TRDN: variants seen among roughly 807,000 people sequenced by gnomAD.
TRDN encodes the protein triadin.
In TRDN, 161 loss-of-function variants were observed where a neutral mutation model predicts 149.7. The observed-to-expected ratio is 1.08, with a 90% CI of 0.95 to 1.23. The LOEUF is 1.23. Among genes scored for constraint, TRDN ranks in the 50% most tolerant of loss-of-function variants. The probability of loss-of-function intolerance (pLI) is 0.00; values close to 1 mark genes in which losing one functional copy is unlikely to be tolerated. For synonymous variants in TRDN, 294 were observed against 250.5 expected, an observed-to-expected ratio of 1.17 and a Z score of -1.64; for missense variants, 896 against 823.5, an observed-to-expected ratio of 1.09 and a Z score of -1.08.
At chr6:123,275,586 C>A (rs750392616) in intron 26 of TRDN, among the ~76,000 whole-genome samples, 5 of 152,118 alleles carry the variant, frequency 3.3e-5, no homozygotes, top group African/African-American at 4.8e-5. Flanking sequence ...TCCAAGGAAA[C>A]TAATCAATTT....
intron 33 of TRDN, among the ~76,000 whole-genome samples, chr6:123,263,349 T>C (rs1776836422): frequency 6.6e-6 from 1 of 152,024 alleles, no homozygotes; most frequent in African/African-American, 2.4e-5. Flanking sequence ...GAAGAAAAGT[T>C]GGAAGCTACC....
At chr6:123,537,688 A>G (rs1451663097) in intron 4 of TRDN, among the ~76,000 whole-genome samples, 1 of 152,190 alleles carries the variant, frequency 6.6e-6, no homozygotes, top group Non-Finnish European at 1.5e-5. Flanking sequence ...CTCAACTTCC[A>G]TATGTAACTG....
intron 23 of TRDN, among the ~76,000 whole-genome samples, chr6:123,329,656 C>G (rs1277236285): frequency 6.7e-6 from 1 of 150,180 alleles, no homozygotes; most frequent in Non-Finnish European, 1.5e-5. Flanking sequence ...TTGTTTGGAA[C>G]AAAAAAGAAG....
At chr6:123,606,655 T>G (rs999909995) in intron 1 of TRDN, among the ~76,000 whole-genome samples, 24 of 152,126 alleles carry the variant, frequency 1.6e-4, no homozygotes, top group Non-Finnish European at 1.5e-5. Context: ...AATGTGTCCA[T>G]GCAGTATTTA....
chr6:123,587,194 C>T (rs1465536294), intron 1 of TRDN, among the ~76,000 whole-genome samples: 2 of 152,120 alleles, frequency 1.3e-5, no homozygotes, highest in African/African-American at 4.8e-5. Flanking sequence ...GCAGGCGTCC[C>T]TGCGTGGTCT....
intron 31 of TRDN, among the ~76,000 whole-genome samples, chr6:123,268,033 G>A (rs1461481366): frequency 1.3e-5 from 2 of 151,882 alleles, no homozygotes; most frequent in Non-Finnish European, 2.9e-5. Context: ...GATAGAATAT[G>A]GCAAAAAGGA....
intron 7 of TRDN, among the ~76,000 whole-genome samples, chr6:123,511,283 A>G (rs2114855640): frequency 6.6e-6 from 1 of 152,232 alleles, no homozygotes; most frequent in African/African-American, 2.4e-5. Flanking sequence ...TAGAATGACT[A>G]TAGTTAACAA....
At chr6:123,274,816 T>C in intron 26 of TRDN, 146 bp from the exon 27 acceptor site, 4 of 720,248 alleles carry the variant, frequency 5.6e-6, no homozygotes, top group Non-Finnish European at 9.2e-6. Context: ...GAGGTTTCAG[T>C]GAGCTGAGAT....
At chr6:123,373,007 C>G (rs991096934) in intron 19 of TRDN, among the ~76,000 whole-genome samples, 2 of 133,458 alleles carry the variant, frequency 1.5e-5, no homozygotes, top group Admixed American at 1.5e-4. Flanking sequence ...TTCATCCACA[C>G]CACACCCTGA....
chr6:123,354,758 A>G (rs887165745), intron 20 of TRDN, among the ~76,000 whole-genome samples: 5 of 151,924 alleles, frequency 3.3e-5, no homozygotes, highest in African/African-American at 1.2e-4. Context: ...AGTGTGAGGA[A>G]GAAGTGATAT....
intron 24 of TRDN, among the ~76,000 whole-genome samples, chr6:123,309,082 T>G (rs537650888): frequency 5.3e-5 from 8 of 152,148 alleles, no homozygotes; most frequent in African/African-American, 1.9e-4. Flanking sequence ...TAAAAGATTT[T>G]GGTTCAAACT....
chr6:123,244,127 G>A (rs901982220), intron 38 of TRDN, among the ~76,000 whole-genome samples: 7 of 152,108 alleles, frequency 4.6e-5, no homozygotes, highest in African/African-American at 7.2e-5. Flanking sequence ...ATAAATCCAC[G>A]AAGATGAGAA....
intron 9 of TRDN, among the ~76,000 whole-genome samples, chr6:123,467,055 A>G (rs1299490005): frequency 1.3e-5 from 2 of 152,066 alleles, no homozygotes; most frequent in Admixed American, 6.6e-5. Context: ...ATTTAAAACA[A>G]CTTTATTGCA....
At chr6:123,352,627 GA>G in intron 20 of TRDN, 41 bp from the exon 21 acceptor site, 1 of 1,578,850 alleles carries the variant, frequency 6.3e-7, no homozygotes. Context: ...GTTCCAGACA[GA>G]AATACTGCTT....
chr6:123,568,218 G>A (rs1464215266), intron 2 of TRDN, among the ~76,000 whole-genome samples: 1 of 152,206 alleles, frequency 6.6e-6, no homozygotes, highest in Non-Finnish European at 1.5e-5. Context: ...GAGGGGTGGG[G>A]TCCCAAGGAA....
At chr6:123,556,266 T>C (rs1406318345) in intron 2 of TRDN, among the ~76,000 whole-genome samples, 1 of 152,188 alleles carries the variant, frequency 6.6e-6, no homozygotes, top group Non-Finnish European at 1.5e-5. Context: ...TAAATAGTTG[T>C]ATACAATCAC....
chr6:123,248,420 G>C (rs1341430780), intron 38 of TRDN, among the ~76,000 whole-genome samples: 1 of 151,976 alleles, frequency 6.6e-6, no homozygotes, highest in East Asian at 1.9e-4. Context: ...AGCCAGGTGT[G>C]GTGGTGGGCA....
chr6:123,461,788 C>T (rs947652431), intron 10 of TRDN, among the ~76,000 whole-genome samples: 2 of 152,074 alleles, frequency 1.3e-5, no homozygotes, highest in Admixed American at 6.6e-5. Flanking sequence ...GATAAAGGAC[C>T]TTTCATGCTA....
rs114721945 is a variant in TRDN at position 123,591,089 on chromosome 6, A to G, written c.23-19957T>C. 2.7e-3 allele frequency among the ~76,000 whole-genome samples: 411 copies of G among 152,336 alleles called. 3 individuals are homozygous for G. Among genetic ancestry groups the G allele is most frequent in the African/African-American group, 9.4e-3 (390 of 41,574 alleles). ...TGGCACTTTCTTTAGTGACTCCAGA[A>G]TTAATGCTATTACCACAATTGTGTA... On this transcript the variant is annotated intron_variant, in intron 1 of 40. Transcript: ENST00000334268.
Sources: allele counts gnomAD v4.1 joint callset (sites outside exome capture counted in the v4.1 genomes callset), GRCh38; gene constraint gnomAD v4.1.1; transcripts MANE v1.5; gene names NCBI Gene and HGNC (gene_info 2026-07-23, HGNC 2026-07-21).